STK32C: variants seen among roughly 807,000 people sequenced by gnomAD.
STK32C encodes the protein serine/threonine kinase 32C.
In STK32C, 31 loss-of-function variants were observed where a neutral mutation model predicts 56.5. The observed-to-expected ratio is 0.55, with a 90% confidence interval of 0.41 to 0.74. The LOEUF (loss-of-function observed/expected upper bound fraction) is 0.74, where lower values mean the gene tolerates loss of function less well. Ranked by LOEUF, STK32C falls within the 30% of genes least tolerant of loss-of-function variation. The pLI, the probability that STK32C is intolerant of heterozygous loss-of-function variation, is 0.00. For synonymous variants in STK32C, 309 were observed against 289.4 expected (o/e 1.07, Z -0.69); for missense variants, 544 against 676.9 (o/e 0.80, Z 2.18).
At chr10:132,217,288 CTTGCATGGGGCCTGTAGCCCCT>C (rs1207856231) in intron 10 of STK32C, among the ~76,000 whole-genome samples, 1 of 152,214 alleles carries the variant, frequency 6.6e-6, no homozygotes, top group Non-Finnish European at 1.5e-5. Flanking sequence ...GGATTTCAGA[CTTGCATGGGGCCTGTAGCCCCT>C]TTGTTTTGGC....
At chr10:132,258,683 G>A (rs1298466718) in intron 1 of STK32C, among the ~76,000 whole-genome samples, 1 of 152,244 alleles carries the variant, frequency 6.6e-6, no homozygotes, top group Admixed American at 6.5e-5. Context: ...TGCTGTCCAC[G>A]CTGACGCTGT....
chr10:132,221,357 G>C (rs1464610305), intron 10 of STK32C, among the ~76,000 whole-genome samples: 2 of 149,662 alleles, frequency 1.3e-5, no homozygotes, highest in African/African-American at 2.5e-5. Flanking sequence ...ACCTGGGCGA[G>C]TGTGAGGGCT....
intron 1 of STK32C, among the ~76,000 whole-genome samples, chr10:132,279,605 G>A (rs1564771282): frequency 6.6e-6 from 1 of 151,700 alleles, no homozygotes; most frequent in Admixed American, 6.6e-5. Context: ...CCATGTTCAC[G>A]CCCCTGCACT....
chr10:132,217,229 T>TA (rs1565065808), intron 10 of STK32C, among the ~76,000 whole-genome samples: 1 of 152,252 alleles, frequency 6.6e-6, no homozygotes, highest in Non-Finnish European at 1.5e-5. Context: ...ATGTGAGAGA[T>TA]AGAGTCAAAG....
At chr10:132,266,696 C>A (rs1054368193) in intron 1 of STK32C, among the ~76,000 whole-genome samples, 1 of 151,606 alleles carries the variant, frequency 6.6e-6, no homozygotes, top group African/African-American at 2.4e-5. Flanking sequence ...GAGGAAGGAA[C>A]GCGGGCGTGG....
intron 1 of STK32C, among the ~76,000 whole-genome samples, chr10:132,316,758 A>C (rs1048155246): frequency 6.6e-6 from 1 of 152,216 alleles, no homozygotes; most frequent in Non-Finnish European, 1.5e-5. Context: ...TCTAGAATCT[A>C]AAGATACTTA....
At chr10:132,292,937 A>C in intron 1 of STK32C, among the ~76,000 whole-genome samples, 1 of 133,656 alleles carries the variant, frequency 7.5e-6, no homozygotes, top group African/African-American at 2.8e-5. Context: ...CCTCCTCCTG[A>C]CTCGGTGGGT....
At chr10:132,249,070 G>GCAGAGGCTCCA in intron 1 of STK32C, 1 of 477,164 alleles carries the variant, frequency 2.1e-6, no homozygotes, top group South Asian at 1.5e-5. Flanking sequence ...CGGCGGCTCC[G>GCAGAGGCTCCA]GCAGAGGCTC....
intron 2 of STK32C, among the ~76,000 whole-genome samples, chr10:132,239,570 C>T (rs2063427729): frequency 6.6e-6 from 1 of 152,228 alleles, no homozygotes; most frequent in African/African-American, 2.4e-5. Context: ...AGCGGGGTGG[C>T]CAGGCAGTGG....
intron 1 of STK32C, among the ~76,000 whole-genome samples, chr10:132,314,539 A>G (rs983369249): frequency 2.0e-5 from 3 of 152,348 alleles, no homozygotes; most frequent in African/African-American, 7.2e-5. Context: ...ACGCACTTCA[A>G]TTAGAAGATA....
chr10:132,249,602 G>A (rs1254691582), intron 1 of STK32C, among the ~76,000 whole-genome samples: 1 of 152,176 alleles, frequency 6.6e-6, no homozygotes, highest in African/African-American at 2.4e-5. Context: ...GCACTGGCAG[G>A]GGGCTGACCG....
intron 1 of STK32C, among the ~76,000 whole-genome samples, chr10:132,285,540 C>G (rs994242758): frequency 1.3e-5 from 2 of 152,222 alleles, no homozygotes; most frequent in African/African-American, 4.8e-5. Flanking sequence ...ACTGATCATA[C>G]AGTTAGGTGA....
chr10:132,294,897 G>A (rs1211696685), intron 1 of STK32C, among the ~76,000 whole-genome samples: 2 of 152,118 alleles, frequency 1.3e-5, no homozygotes, highest in South Asian at 2.1e-4. Context: ...TTGTTTCATC[G>A]TGATCTGTCC....
chr10:132,267,815 G>C lies in STK32C; in HGVS notation c.263-21860C>G, dbSNP rs1221175220. Among the ~76,000 whole-genome samples, 12 of 92,792 alleles carry C rather than the reference G, an allele frequency of 1.3e-4. 3 individuals carry two copies. Among genetic ancestry groups the C allele is most frequent in the Non-Finnish European group, 1.6e-4 (8 of 49,274 alleles). 60.9% of individuals were successfully genotyped at this position (92,792 alleles called of 152,430 possible). A position where few individuals can be genotyped will look rare whatever the true frequency, so the allele number is the denominator to read the frequency against. On this transcript the variant is annotated intron_variant, in intron 1 of 11. Coordinates refer to ENST00000298630, the MANE Select transcript of STK32C (RefSeq NM_173575.4). ...CCTGTGTGCATGCATGTCCCACATCGTGTGTGTGTGTGTCAGTGCGTGTGC... is the reference window on the plus strand; with the variant it reads ...CCTGTGTGCATGCATGTCCCACATCCTGTGTGTGTGTGTCAGTGCGTGTGC...
At chr10:132,254,383 T>C (rs974107599) in intron 1 of STK32C, among the ~76,000 whole-genome samples, 17 of 152,294 alleles carry the variant, frequency 1.1e-4, no homozygotes, top group African/African-American at 3.9e-4. Context: ...AAGAAAATAC[T>C]CCCAATGAGG....
At chr10:132,262,850 A>C (rs902306692) in intron 1 of STK32C, among the ~76,000 whole-genome samples, 1 of 152,110 alleles carries the variant, frequency 6.6e-6, no homozygotes, top group Non-Finnish European at 1.5e-5. Flanking sequence ...CATGCCCCAC[A>C]TCACTAATCA....
rs532949868 is a variant in STK32C at position 132,313,793 on chromosome 10, G to A, written c.301+17643C>T. Among the ~76,000 whole-genome samples the A allele has an allele frequency of 2.1e-3, 314 of 152,360 alleles. 1 individual carries two copies. The highest frequency in any genetic ancestry group is 7.0e-3 in the African/African-American group (290 of 41,576). On this transcript the variant is annotated intron_variant, in intron 1 of 3. Transcript: ENST00000368620. The stretch of plus-strand genomic sequence containing the variant: ...ATTGAGGCAGGGAGTGGCAAGAGAC[G>A]AAGGCTAAGGAGATGACAAGGACCA...
chr10:132,281,707 G>C (rs1210511373), intron 1 of STK32C, among the ~76,000 whole-genome samples: 1 of 152,240 alleles, frequency 6.6e-6, no homozygotes, highest in Non-Finnish European at 1.5e-5. Context: ...CGGTCGGGTG[G>C]TTTGTGCAGG....
chr10:132,330,430 C>A, intron 1 of STK32C: 1 of 717,294 alleles, frequency 1.4e-6, no homozygotes, highest in Non-Finnish European at 2.6e-6. Context: ...CTTGCTCTGC[C>A]CGGGTGGCTG....
Sources: gnomAD v4.1 joint callset for allele counts (sites outside exome capture counted in the v4.1 genomes callset) on GRCh38, gnomAD v4.1.1 for gene constraint, MANE v1.5 for transcripts, NCBI Gene and HGNC (gene_info 2026-07-23, HGNC 2026-07-21) for gene names.